The following SERPINA9 variants were observed in gnomAD, a reference collection of about 807,000 sequenced individuals.
SERPINA9 encodes the protein serpin family A member 9, also known as serpin A9.
A neutral mutation model predicts 24.5 loss-of-function variants in SERPINA9; 32 were observed. That is an observed-to-expected ratio of 1.30 (90% CI 0.98 to 1.75). SERPINA9 has a LOEUF of 1.75. SERPINA9 is among the 40% of genes most tolerant of loss of function. SERPINA9 has a pLI of 0.00. For missense variants in SERPINA9, 594 were observed against 497.1 expected (o/e 1.19, Z -1.85); for synonymous variants, 233 against 197.7 (o/e 1.18, Z -1.50).
chr14:94,475,419 T>TGC (rs1899550920), intron 1 of SERPINA9, among the ~76,000 whole-genome samples: 2 of 117,924 alleles, frequency 1.7e-5, no homozygotes, highest in Admixed American at 1.9e-4. Flanking sequence ...TGCCTACATG[T>TGC]GCACACACAC....
intron 1 of SERPINA9, among the ~76,000 whole-genome samples, chr14:94,473,445 G>A (rs1271490389): frequency 6.6e-6 from 1 of 151,458 alleles, no homozygotes; most frequent in Non-Finnish European, 1.5e-5. Context: ...CTTGAACCCG[G>A]GAGGCGGAAG....
chr14:94,463,920 A>G (rs1008488112), intron 4 of SERPINA9, among the ~76,000 whole-genome samples: 2 of 152,052 alleles, frequency 1.3e-5, no homozygotes, highest in African/African-American at 4.8e-5. Context: ...GCCTCTCAAC[A>G]TTTTCTGAAA....
chr14:94,475,265 C>G (rs1899533185), intron 1 of SERPINA9, among the ~76,000 whole-genome samples: 1 of 152,160 alleles, frequency 6.6e-6, no homozygotes, highest in Admixed American at 6.5e-5. Context: ...CAACCACCAG[C>G]CTTTATCCAC....
Position 94,473,956 on chromosome 14 carries a change from T to G in SERPINA9, c.-18+2180A>C, listed in dbSNP as rs548268578. ...GAGACAACGTCTGCAGAACGCCCAG[T>G]GCGGCATCCAGCCCATGGTGGGCAG... On this transcript the variant is annotated intron_variant, in intron 1 of 4. Transcript: ENST00000674397. Among the ~76,000 whole-genome samples, 178 of 152,372 alleles carry G rather than the reference T, an allele frequency of 1.2e-3. 1 individual carries two copies. The highest frequency in any genetic ancestry group is 4.0e-3 in the African/African-American group (166 of 41,588).
chr14:94,473,949 C>T (rs186186437), intron 1 of SERPINA9, among the ~76,000 whole-genome samples: 63 of 152,352 alleles, frequency 4.1e-4, no homozygotes, highest in African/African-American at 6.3e-4. Flanking sequence ...GTCTGCAGAA[C>T]GCCCAGTGCG....
Position 94,463,115 on chromosome 14 carries a change from A to G in SERPINA9, c.1232T>C (p.Val411Ala), listed in dbSNP as rs773985074. The G allele has an allele frequency of 6.2e-7, 1 of 1,614,098 alleles. No homozygotes were observed. The highest frequency in any genetic ancestry group is 2.2e-5 in the East Asian group (1 of 44,888). Residue 411 changes from valine (V) to alanine (A), a missense_variant, in exon 5 of 5, where the codon GTG becomes GCG. Physicochemically the swap from Val to Ala is moderately conservative, Grantham distance 64. Transcript: ENST00000674397. ...CACCTAGGATTTAGTGGGATTTTCCACTTTCCCTAGAAAGAGAATACCGTC... is the reference window on the plus strand; with the variant it reads ...CACCTAGGATTTAGTGGGATTTTCCGCTTTCCCTAGAAAGAGAATACCGTC... ...ATDGILFLGK[V>A]ENPTKS
intron 4 of SERPINA9, chr14:94,464,366 C>A: frequency 2.7e-6 from 1 of 365,250 alleles, no homozygotes; most frequent in Non-Finnish European, 4.9e-6. Flanking sequence ...TGCAGATGAC[C>A]TATGGGCAGC....
At position 94,469,675 on chromosome 14, in the gene SERPINA9, A is replaced by G; in HGVS notation, c.166T>C (p.Tyr56His). The G allele has an allele frequency of 1.2e-6, 2 of 1,613,868 alleles. No individual in the cohort carries two copies. Among genetic ancestry groups the G allele is most frequent in the Non-Finnish European group, 1.7e-6 (2 of 1,179,794 alleles). The change falls in exon 2 of 5, where the codon TAC (tyrosine) becomes CAC (histidine). Residue 56 changes from tyrosine to histidine, a missense_variant. Physicochemically the swap from Tyr to His is moderately conservative, Grantham distance 83. Coordinates refer to ENST00000674397, the MANE Select transcript of SERPINA9 (RefSeq NM_175739.4). ...SLNTDFAFRL[Y>H]RRLVLETPSQ... ...GGGGTCTCCAAAACCAGCCTGCGGT[A>G]TAGGCGGAAGGCAAAGTCGGTGTTG...
chr14:94,474,227 C>A lies in SERPINA9; in HGVS notation c.-18+1909G>T, dbSNP rs1045421551. On this transcript the variant is annotated intron_variant, in intron 1 of 4. Coordinates refer to ENST00000674397, the MANE Select transcript of SERPINA9 (RefSeq NM_175739.4). ...GTGGGGCAGGTGGCTCTCAGGGGGCCCCCACTGACGCTGGGTTGTGCCTCC... is the reference window on the plus strand; with the variant it reads ...GTGGGGCAGGTGGCTCTCAGGGGGCACCCACTGACGCTGGGTTGTGCCTCC... Among the ~76,000 whole-genome samples the A allele has an allele frequency of 3.3e-5, 5 of 152,164 alleles. No homozygotes were observed. The East Asian group carries it at 9.6e-4, about 29-fold the overall frequency.
At chr14:94,463,370 G>T in intron 4 of SERPINA9, 74 bp from the exon 5 acceptor site, 7 of 1,387,058 alleles carry the variant, frequency 5.0e-6, no homozygotes, top group Non-Finnish European at 7.1e-6. Flanking sequence ...TAAACTGAGT[G>T]CTTTTGCCCT....
intron 4 of SERPINA9, 101 bp downstream of exon 4, chr14:94,464,606 T>G: frequency 9.6e-7 from 1 of 1,043,090 alleles, no homozygotes; most frequent in Non-Finnish European, 1.4e-6. Context: ...TGACTTCACC[T>G]TTCAGGCCTC....
At chr14:94,475,548 T>C (rs1899566359) in intron 1 of SERPINA9, among the ~76,000 whole-genome samples, 2 of 152,160 alleles carry the variant, frequency 1.3e-5, no homozygotes, top group East Asian at 1.9e-4. Context: ...AAGGGCATCC[T>C]CTCTGCCTAT....
At chr14:94,474,142 G>A (rs1341778234) in intron 1 of SERPINA9, among the ~76,000 whole-genome samples, 1 of 152,258 alleles carries the variant, frequency 6.6e-6, no homozygotes, top group Non-Finnish European at 1.5e-5. Context: ...AGCGGGTGCT[G>A]CCAGGCGCCA....
At chr14:94,467,084 C>T (rs1899035957) in intron 3 of SERPINA9, 25 bp downstream of exon 3, 9 of 1,606,628 alleles carry the variant, frequency 5.6e-6, no homozygotes, top group Non-Finnish European at 7.7e-6. Flanking sequence ...GCCTCAGGGC[C>T]CAGGAGATTG....
chr14:94,469,195 A>G lies in SERPINA9; in HGVS notation c.628+18T>C. On this transcript the variant is annotated intron_variant, in intron 2 of 4. Transcript: ENST00000674397. ...ATCATAAAATAAATAAATAAAAATC[A>G]ACTTCTCAAATCCTTACCTTTAAAG... 1 of 1,582,728 alleles carries G rather than the reference A, an allele frequency of 6.3e-7. No homozygotes were observed.
intron 1 of SERPINA9, among the ~76,000 whole-genome samples, chr14:94,471,857 A>G (rs905283292): frequency 6.6e-6 from 1 of 151,904 alleles, no homozygotes; most frequent in Non-Finnish European, 1.5e-5. Context: ...CCTCCCCGAG[A>G]CATCGCAAGC....
At chr14:94,469,170 A>G in intron 2 of SERPINA9, 43 bp downstream of exon 2, 1 of 1,550,388 alleles carries the variant, frequency 6.4e-7, no homozygotes, top group Non-Finnish European at 8.8e-7. Context: ...CATCATCATC[A>G]TCATAAAATA....
rs1375957075 is a variant in SERPINA9 at position 94,469,162 on chromosome 14, T to A, written c.628+51A>T. On this transcript the variant is annotated intron_variant, in intron 2 of 4. Coordinates refer to ENST00000674397, the MANE Select transcript of SERPINA9 (RefSeq NM_175739.4). ...TGTGTATTTCACTAAGCAAAAATCA[T>A]CATCATCATCATAAAATAAATAAAT... The A allele has an allele frequency of 2.0e-6, 3 of 1,524,988 alleles. No individual in the cohort carries two copies. The South Asian group carries it at 3.6e-5, about 18-fold the overall frequency. 94.5% of individuals were successfully genotyped at this position (1,524,988 alleles called of 1,614,324 possible).
intron 4 of SERPINA9, 116 bp from the exon 5 acceptor site, chr14:94,463,412 A>G (rs1898838836): frequency 1.2e-6 from 1 of 863,924 alleles, no homozygotes; most frequent in East Asian, 2.6e-5. Flanking sequence ...AAAGGATTCA[A>G]GGTTCAAATG....
Sources: allele counts gnomAD v4.1 joint callset (sites outside exome capture counted in the v4.1 genomes callset), GRCh38; gene constraint gnomAD v4.1.1; transcripts MANE v1.5; gene names NCBI Gene and HGNC (gene_info 2026-07-23, HGNC 2026-07-21).